GOLPH3: variants seen among roughly 807,000 people sequenced by gnomAD.
GOLPH3 encodes the protein coat protein GPP34.
A neutral mutation model predicts 28.5 loss-of-function variants in GOLPH3; 14 were observed. The ratio of observed to expected loss-of-function variants is 0.49; its 90% CI spans 0.32 to 0.77. GOLPH3 has a LOEUF of 0.77. Among genes scored for constraint, GOLPH3 ranks in the 30% least tolerant of loss-of-function variants. The pLI, the probability that GOLPH3 is intolerant of heterozygous loss-of-function variation, is 0.03. For missense variants in GOLPH3, 350 were observed against 393.7 expected, an observed-to-expected ratio of 0.89 and a Z score of 0.94; for synonymous variants, 158 against 159.2, an observed-to-expected ratio of 0.99 and a Z score of 0.06.
At chr5:32,173,536 G>T (rs1746895281) in intron 1 of GOLPH3, among the ~76,000 whole-genome samples, 1 of 152,134 alleles carries the variant, frequency 6.6e-6, no homozygotes, top group African/African-American at 2.4e-5. Context: ...AATACAAACT[G>T]CCAGGGTGTC....
intron 1 of GOLPH3, 85 bp downstream of exon 1, chr5:32,173,725 G>T: frequency 1.0e-6 from 1 of 988,464 alleles, no homozygotes; most frequent in Non-Finnish European, 1.3e-6. Context: ...CGGAAGCCTC[G>T]GGCGCTCACC....
At chr5:32,128,503 C>T (rs574641535) in intron 3 of GOLPH3, among the ~76,000 whole-genome samples, 2 of 152,050 alleles carry the variant, frequency 1.3e-5, no homozygotes, top group African/African-American at 4.8e-5. Flanking sequence ...TCTACAACTG[C>T]AAAAAATTAG....
Position 32,167,321 on chromosome 5 carries a change from G to A in GOLPH3, c.225+6489C>T, listed in dbSNP as rs530707517. 8.9e-4 allele frequency among the ~76,000 whole-genome samples: 136 copies of A among 152,120 alleles called. 2 individuals are homozygous for A. Among genetic ancestry groups the A allele is most frequent in the Non-Finnish European group, 1.6e-3 (109 of 67,990 alleles). Reference sequence around the variant, plus strand: ...CGAGTAGCTGGGATTACAGGTGCTCGCCACCATGTCTGGCTAATTTTTATA... The same window carrying A: ...CGAGTAGCTGGGATTACAGGTGCTCACCACCATGTCTGGCTAATTTTTATA... On this transcript the variant is annotated intron_variant, in intron 1 of 3. Coordinates refer to ENST00000265070, the MANE Select transcript of GOLPH3 (RefSeq NM_022130.4).
chr5:32,134,125 C>G (rs987404018), intron 3 of GOLPH3, among the ~76,000 whole-genome samples: 1 of 152,110 alleles, frequency 6.6e-6, no homozygotes, highest in African/African-American at 2.4e-5. Flanking sequence ...AGTCCCAGGG[C>G]TTTAGGAAGC....
At position 32,173,951 on chromosome 5, in the gene GOLPH3, C is replaced by T. The variant is rs1415308057; in HGVS notation, c.84G>A (p.Ala28=). 1 of 1,458,856 alleles carries T rather than the reference C, an allele frequency of 6.9e-7. No individual in the cohort carries two copies. The highest frequency in any genetic ancestry group is 1.5e-5 in the African/African-American group (1 of 68,252). 90.4% of individuals were successfully genotyped at this position (1,458,856 alleles called of 1,614,324 possible). The stretch of plus-strand genomic sequence containing the variant: ...CGCTGCTGCCGGCGCCGCCGCCCGC[C>T]GCCCGCTCCTTGTCGGCGGCGTTGC... ...ASRNAADKER[A]AGGGAGSSED... Residue 28 remains alanine (A), a synonymous_variant, in exon 1 of 4, where the codon GCG becomes GCA. Transcript: ENST00000265070.
chr5:32,144,600 C>T (rs577621470), intron 1 of GOLPH3, among the ~76,000 whole-genome samples: 2 of 152,206 alleles, frequency 1.3e-5, no homozygotes, highest in South Asian at 4.1e-4. Flanking sequence ...TAAATACACA[C>T]ACTGTTAATT....
chr5:32,129,702 C>T (rs1745781493), intron 3 of GOLPH3, among the ~76,000 whole-genome samples: 1 of 152,134 alleles, frequency 6.6e-6, no homozygotes, highest in Non-Finnish European at 1.5e-5. Flanking sequence ...AGCTAAATCT[C>T]GAAATCCAGC....
chr5:32,165,730 A>C (rs1242621563), intron 1 of GOLPH3, among the ~76,000 whole-genome samples: 1 of 152,254 alleles, frequency 6.6e-6, no homozygotes. Context: ...GGCCTCTCAC[A>C]GAGCATGTGC....
At position 32,125,691 on chromosome 5, in the gene GOLPH3, TTAAG is replaced by T. The variant is rs1310531591; in HGVS notation, c.*517_*520del. ...AGCAAAATCCAAGGGACATTTTATA[TTAAG>T]TATTTACTGTGCTGTTTCAATTTAA... On this transcript the variant is annotated 3_prime_UTR_variant, in exon 4 of 4. Coordinates refer to ENST00000265070, the MANE Select transcript of GOLPH3 (RefSeq NM_022130.4). 1.3e-5 allele frequency: 2 copies of T among 152,870 alleles called. No homozygotes were observed. Among genetic ancestry groups the T allele is most frequent in the African/African-American group, 2.4e-5 (1 of 41,466 alleles). 9.5% of individuals were successfully genotyped at this position (152,870 alleles called of 1,614,324 possible). A position where few individuals can be genotyped will look rare whatever the true frequency, so the allele number is the denominator to read the frequency against.
intron 3 of GOLPH3, among the ~76,000 whole-genome samples, chr5:32,135,162 T>C (rs1291794067): frequency 2.0e-5 from 3 of 152,214 alleles, no homozygotes; most frequent in Non-Finnish European, 2.9e-5. Context: ...CTGCTCCAGG[T>C]GGCAGTGGCT....
chr5:32,146,471 C>G (rs2111861895), intron 1 of GOLPH3, among the ~76,000 whole-genome samples: 1 of 152,184 alleles, frequency 6.6e-6, no homozygotes, highest in Admixed American at 6.5e-5. Flanking sequence ...TCCCTTTATT[C>G]TTTCAAGTGG....
At chr5:32,132,596 TGA>T (rs1419888638) in intron 3 of GOLPH3, among the ~76,000 whole-genome samples, 5 of 152,236 alleles carry the variant, frequency 3.3e-5, no homozygotes, top group Admixed American at 1.3e-4. Context: ...TCTTTCAGTC[TGA>T]GAGCACATTT....
chr5:32,155,826 G>A (rs528127976), intron 1 of GOLPH3, among the ~76,000 whole-genome samples: 147 of 151,624 alleles, frequency 9.7e-4, no homozygotes, highest in African/African-American at 3.3e-3. Context: ...GCATGGTGGC[G>A]CATGCCTGTA....
chr5:32,161,741 A>G (rs1326295596), intron 1 of GOLPH3, among the ~76,000 whole-genome samples: 1 of 151,204 alleles, frequency 6.6e-6, no homozygotes, highest in East Asian at 1.9e-4. Flanking sequence ...AAAAATCAGA[A>G]GTCGGGCCAG....
intron 1 of GOLPH3, among the ~76,000 whole-genome samples, chr5:32,170,115 T>C (rs1317256374): frequency 6.6e-6 from 1 of 152,192 alleles, no homozygotes; most frequent in Non-Finnish European, 1.5e-5. Flanking sequence ...TTAAATATTA[T>C]AGATTATAAA....
chr5:32,127,449 C>T (rs535068731), intron 3 of GOLPH3, among the ~76,000 whole-genome samples: 3 of 152,208 alleles, frequency 2.0e-5, no homozygotes, highest in South Asian at 4.2e-4. Context: ...TAAATGCAAA[C>T]GTTGTAAGGT....
At chr5:32,142,705 A>T (rs1429545302) in intron 2 of GOLPH3, among the ~76,000 whole-genome samples, 1 of 95,496 alleles carries the variant, frequency 1.0e-5, no homozygotes, top group East Asian at 3.3e-4. Context: ...AGGTGGGGGG[A>T]TCAGCCCCCC....
chr5:32,172,459 G>A lies in GOLPH3; in HGVS notation c.225+1351C>T, dbSNP rs201586509. Among the ~76,000 whole-genome samples, 10 of 151,876 alleles carry A rather than the reference G, an allele frequency of 6.6e-5. No homozygotes were observed. The East Asian group carries it at 1.7e-3, about 26-fold the overall frequency. On this transcript the variant is annotated intron_variant, in intron 1 of 3. Transcript: ENST00000265070. ...AGCTTGTAATTTCAGCACTTTGGGA[G>A]GCCGAGGCAGGCGGATCACTAGGTC...
At chr5:32,146,075 T>C (rs917194777) in intron 1 of GOLPH3, among the ~76,000 whole-genome samples, 1 of 152,028 alleles carries the variant, frequency 6.6e-6, no homozygotes, top group African/African-American at 2.4e-5. Flanking sequence ...GCAGATTGCT[T>C]GAGCCCAGGA....
Sources: gnomAD v4.1 joint callset for allele counts (sites outside exome capture counted in the v4.1 genomes callset) on GRCh38, gnomAD v4.1.1 for gene constraint, MANE v1.5 for transcripts, NCBI Gene and HGNC (gene_info 2026-07-23, HGNC 2026-07-21) for gene names.